ZNF432: variants seen among roughly 807,000 people sequenced by gnomAD.
The protein encoded by ZNF432 is zinc finger protein 432.
ZNF432 carries 10 observed loss-of-function variants against 13.9 expected under a neutral mutation model. That is an observed-to-expected ratio of 0.72 (90% confidence interval 0.44 to 1.22). The LOEUF (loss-of-function observed/expected upper bound fraction) is 1.22, where lower values mean the gene tolerates loss of function less well. ZNF432 is among the 50% of genes most tolerant of loss of function. ZNF432 has a pLI of 0.00. For missense variants in ZNF432, 793 were observed against 796.2 expected (o/e 1.00, Z 0.05); for synonymous variants, 247 against 256.2 (o/e 0.96, Z 0.34).
At position 52,036,678 on chromosome 19, in the gene ZNF432, C is replaced by CT. The variant is rs915667620; in HGVS notation, c.239-1239dup. 4.9e-3 allele frequency among the ~76,000 whole-genome samples: 721 copies of CT among 146,930 alleles called. 4 individuals are homozygous for CT. The highest frequency in any genetic ancestry group is 0.016 in the African/African-American group (643 of 40,292). On this transcript the variant is annotated intron_variant, in intron 4 of 4. Coordinates refer to ENST00000221315, the MANE Select transcript of ZNF432 (RefSeq NM_014650.4). Reference sequence around the variant, plus strand: ...TATTTGAGAAAAAAGGACTGAATGACTTTTTTTTTTTTGAGACAGGGTCTC... The same window carrying CT: ...TATTTGAGAAAAAAGGACTGAATGACTTTTTTTTTTTTTGAGACAGGGTCTC...
rs780604900 is a variant in ZNF432, at chr19:52,034,452, G to A, written c.1227C>T (p.Gly409=). 8.7e-6 allele frequency: 14 copies of A among 1,613,876 alleles called. No homozygotes were observed. In the South Asian group the frequency reaches 1.5e-4, roughly 18 times the overall value. Residue 409 remains glycine, a synonymous_variant, in exon 5 of 5, where the codon GGC becomes GGT. Coordinates refer to ENST00000221315, the MANE Select transcript of ZNF432 (RefSeq NM_014650.4). The part of the protein sequence containing the change: ...KPYICSECGK[G]FPRKSNLIVH... ...CAATAAGATTACTCTTCCTGGGAAA[G>A]CCTTTTCCACATTCACTGCATATGT...
Position 52,039,701 on chromosome 19 carries a change from C to T in ZNF432, c.238+787G>A, listed in dbSNP as rs375311570. ...CAAATTAGCTGGGCATGATGGTGCG[C>T]GCCTGTAATCCCAGCTACTTGGGAG... On this transcript the variant is annotated intron_variant, in intron 4 of 4. Transcript: ENST00000221315. Among the ~76,000 whole-genome samples, 116 of 151,724 alleles carry T rather than the reference C, an allele frequency of 7.6e-4. 2 individuals carry two copies. The highest frequency in any genetic ancestry group is 2.6e-3 in the African/African-American group (106 of 41,360).
chr19:52,039,806 G>A (rs1471140653), intron 4 of ZNF432, among the ~76,000 whole-genome samples: 3 of 146,230 alleles, frequency 2.1e-5, no homozygotes, highest in South Asian at 4.3e-4. Flanking sequence ...TCCAGCCTGG[G>A]TGACAGAGTG....
Position 52,033,760 on chromosome 19 carries a change from A to C in ZNF432, c.1919T>G (p.Leu640Arg). Residue 640 changes from leucine (L) to arginine (R), a missense_variant, in exon 5 of 5, where the codon CTC becomes CGC. Leu to Arg is a moderately radical substitution (Grantham distance 102). Coordinates refer to ENST00000221315, the MANE Select transcript of ZNF432 (RefSeq NM_014650.4). ...ATTATGAGTTCGCTGATGTACAATGAGATTTCTCTTTGAGGAGAAGGCTTT... is the reference window on the plus strand; with the variant it reads ...ATTATGAGTTCGCTGATGTACAATGCGATTTCTCTTTGAGGAGAAGGCTTT... ...CRKAFSSKRNLIVHQRTHNGN... is the reference protein window; with the variant it reads ...CRKAFSSKRNRIVHQRTHNGN... The C allele has an allele frequency of 6.2e-7, 1 of 1,605,218 alleles. No homozygotes were observed. The highest frequency in any genetic ancestry group is 8.5e-7 in the Non-Finnish European group (1 of 1,176,918).
At chr19:52,035,564 G>A (rs537888682) in intron 4 of ZNF432, 124 bp from the exon 5 acceptor site, 16 of 798,534 alleles carry the variant, frequency 2.0e-5, no homozygotes, top group South Asian at 9.7e-5. Flanking sequence ...ACAGAGTCTC[G>A]CTCTGTTACC....
At chr19:52,044,437 G>A (rs2087163815) in intron 2 of ZNF432, among the ~76,000 whole-genome samples, 1 of 151,850 alleles carries the variant, frequency 6.6e-6, no homozygotes, top group Non-Finnish European at 1.5e-5. Flanking sequence ...TTGAAAAACA[G>A]ATCATAAACA....
intron 2 of ZNF432, 140 bp from the exon 3 acceptor site, chr19:52,041,746 C>T: frequency 9.9e-7 from 1 of 1,013,904 alleles, no homozygotes; most frequent in Non-Finnish European, 1.4e-6. Flanking sequence ...TTTAATATTG[C>T]CAGAGAATCT....
At chr19:52,047,338 A>G (rs912416319) in intron 1 of ZNF432, 6 of 158,226 alleles carry the variant, frequency 3.8e-5, no homozygotes. Context: ...CCTTTATACA[A>G]TGTTACTCTC....
chr19:52,048,379 ACC>A (rs1464437363), intron 1 of ZNF432, among the ~76,000 whole-genome samples: 1 of 151,886 alleles, frequency 6.6e-6, no homozygotes, highest in East Asian at 1.9e-4. Flanking sequence ...GACAAAAGCC[ACC>A]CCATCGATTC....
At chr19:52,041,758 C>A in intron 2 of ZNF432, 152 bp from the exon 3 acceptor site, 1 of 957,454 alleles carries the variant, frequency 1.0e-6, no homozygotes, top group Non-Finnish European at 1.5e-6. Flanking sequence ...AGAGAATCTC[C>A]AAGTATTCTA....
rs1600052973 is a variant in ZNF432 at position 52,040,546 on chromosome 19, C to A, written c.180G>T (p.Leu60Phe). ...TTGTCCATGGTTCTTCTCCTCGTTC[C>A]AACTTGGAGAGTGCATCTGGTTTGC... ...QVSKPDALSK[L>F]ERGEEPWTME... Residue 60 changes from leucine to phenylalanine, a missense_variant, in exon 4 of 5, where the codon TTG becomes TTT. Leu to Phe is a conservative substitution (Grantham distance 22, BLOSUM62 0). Coordinates refer to ENST00000221315, the MANE Select transcript of ZNF432 (RefSeq NM_014650.4). The A allele has an allele frequency of 6.2e-7, 1 of 1,614,116 alleles. No homozygotes were observed. Among genetic ancestry groups the A allele is most frequent in the East Asian group, 2.2e-5 (1 of 44,874 alleles).
chr19:52,040,404 A>G, intron 4 of ZNF432, 84 bp downstream of exon 4: 1 of 1,176,542 alleles, frequency 8.5e-7, no homozygotes, highest in Non-Finnish European at 1.3e-6. Context: ...TAATGTAGGC[A>G]CTGCTTCTGT....
chr19:52,040,416 TC>T, intron 4 of ZNF432, 71 bp downstream of exon 4: 1 of 1,323,536 alleles, frequency 7.6e-7, no homozygotes, highest in South Asian at 1.2e-5. Context: ...TGCTTCTGTG[TC>T]CTCAGACACC....
In ZNF432 at chr19:52,033,578, C is replaced by T. The variant is rs897918465; in HGVS notation, c.*142G>A. The T allele has an allele frequency of 6.6e-5, 61 of 921,040 alleles. No homozygotes were observed. The highest frequency in any genetic ancestry group is 8.7e-5 in the Non-Finnish European group (55 of 629,726). 57.1% of individuals were successfully genotyped at this position (921,040 alleles called of 1,614,324 possible). A position where few individuals can be genotyped will look rare whatever the true frequency, so the allele number is the denominator to read the frequency against. ...GTTGAAGCCTTTCTGACATTGATAG[C>T]ATTCATCCTAGTGAATAACACTGGA... On this transcript the variant is annotated 3_prime_UTR_variant, in exon 5 of 5. Coordinates refer to ENST00000221315, the MANE Select transcript of ZNF432 (RefSeq NM_014650.4).
chr19:52,048,182 C>CACAAAA (rs1482172095), intron 1 of ZNF432, among the ~76,000 whole-genome samples: 2 of 146,216 alleles, frequency 1.4e-5, no homozygotes, highest in African/African-American at 2.6e-5. Flanking sequence ...CACACACACA[C>CACAAAA]AAAACCAGCC....
rs888031633 is a variant in ZNF432, at chr19:52,032,351, T to C, written c.*1369A>G. The C allele has an allele frequency of 6.6e-6, 1 of 152,016 alleles. No homozygotes were observed. The highest frequency in any genetic ancestry group is 1.5e-5 in the Non-Finnish European group (1 of 68,020). The allele number at this position is 152,016 out of a possible 1,614,324, so 9.4% of individuals were successfully genotyped here. ...AGCCCGCTTTACAATTATGGAATCATTGATAATATGATGCAAGGTATGCTG... is the reference window on the plus strand; with the variant it reads ...AGCCCGCTTTACAATTATGGAATCACTGATAATATGATGCAAGGTATGCTG... On this transcript the variant is annotated 3_prime_UTR_variant, in exon 5 of 5. Transcript: ENST00000221315.
At position 52,041,504 on chromosome 19, in the gene ZNF432, TCTC is replaced by T. The variant is rs777489298; in HGVS notation, c.115_117del (p.Glu39del). 8.2e-5 allele frequency: 132 copies of T among 1,608,480 alleles called. No individual in the cohort carries two copies. The highest frequency in any genetic ancestry group is 1.1e-4 in the Non-Finnish European group (131 of 1,176,862). On this transcript the variant is annotated inframe_deletion, in exon 3 of 5. Coordinates refer to ENST00000221315, the MANE Select transcript of ZNF432 (RefSeq NM_014650.4). The stretch of plus-strand genomic sequence containing the variant: ...CCCATTGATAGCAGGTTGCTGTAGA[TCTC>T]CAACATCACATCCCGGTACAAATCC...
intron 2 of ZNF432, among the ~76,000 whole-genome samples, chr19:52,043,708 C>T (rs908570072): frequency 3.3e-5 from 5 of 152,096 alleles, no homozygotes; most frequent in South Asian, 4.1e-4. Context: ...AGGGGAAAAC[C>T]GCCTTAGGGC....
rs1418202456 is a variant in ZNF432, at chr19:52,031,892, G to C, written c.*1828C>G. The C allele has an allele frequency of 6.6e-6, 1 of 152,220 alleles. No homozygotes were observed. Among genetic ancestry groups the C allele is most frequent in the Non-Finnish European group, 1.5e-5 (1 of 68,074 alleles). 9.4% of individuals were successfully genotyped at this position (152,220 alleles called of 1,614,324 possible). ...GGGTGCCTGTAATCCCAGCTACTTA[G>C]GAGGCTGAGGCAGGAAAATCTCTTG... On this transcript the variant is annotated 3_prime_UTR_variant, in exon 5 of 5. Coordinates refer to ENST00000221315, the MANE Select transcript of ZNF432 (RefSeq NM_014650.4).
Sources: gnomAD v4.1 joint callset for allele counts (sites outside exome capture counted in the v4.1 genomes callset) on GRCh38, gnomAD v4.1.1 for gene constraint, MANE v1.5 for transcripts, NCBI Gene and HGNC (gene_info 2026-07-23, HGNC 2026-07-21) for gene names.